The following SLC25A48 variants were observed in gnomAD, a reference collection of about 807,000 sequenced individuals.
SLC25A48 encodes CTC-321K16.1.
SLC25A48 carries 29 observed loss-of-function variants against 32.2 expected under a neutral mutation model. The observed-to-expected ratio is 0.90, with a 90% CI of 0.67 to 1.23. The LOEUF is 1.23. SLC25A48 is among the 50% of genes most tolerant of loss of function. SLC25A48 has a pLI of 0.00. For synonymous variants in SLC25A48, 164 were observed against 172.3 expected (o/e 0.95, Z 0.38); for missense variants, 399 against 422.7 (o/e 0.94, Z 0.49).
chr5:135,846,468 G>A (rs1478888236), intron 2 of SLC25A48, among the ~76,000 whole-genome samples: 1 of 152,150 alleles, frequency 6.6e-6, no homozygotes, highest in Non-Finnish European at 1.5e-5. Context: ...GGACAGCCAG[G>A]GCATGGCTTG....
At chr5:135,643,724 C>A (rs1011382626) in intron 3 of SLC25A48, among the ~76,000 whole-genome samples, 1 of 152,108 alleles carries the variant, frequency 6.6e-6, no homozygotes, top group Admixed American at 6.5e-5. Context: ...TGGGGAGCTC[C>A]CAGGTTAGTG....
intron 3 of SLC25A48, among the ~76,000 whole-genome samples, chr5:135,797,719 AC>A (rs369772375): frequency 2.5e-4 from 38 of 149,742 alleles, no homozygotes; most frequent in Admixed American, 7.4e-4. Flanking sequence ...GAAAGTGTAA[AC>A]CCCCCCCGTG....
chr5:135,797,461 G>A (rs1451998689), intron 3 of SLC25A48, among the ~76,000 whole-genome samples: 1 of 151,832 alleles, frequency 6.6e-6, no homozygotes, highest in African/African-American at 2.4e-5. Context: ...AAGGGCTAGA[G>A]GCTGATATTA....
At chr5:135,817,469 A>G (rs1757752358) in intron 4 of SLC25A48, among the ~76,000 whole-genome samples, 1 of 152,224 alleles carries the variant, frequency 6.6e-6, no homozygotes. Flanking sequence ...AGTGAGGCAC[A>G]ATAGCTATCC....
chr5:135,692,147 CT>C (rs1293106478), intron 3 of SLC25A48, among the ~76,000 whole-genome samples: 1 of 152,098 alleles, frequency 6.6e-6, no homozygotes, highest in Admixed American at 6.5e-5. Flanking sequence ...GAAACCCCAT[CT>C]CTACTAAAAA....
intron 3 of SLC25A48, among the ~76,000 whole-genome samples, chr5:135,736,943 C>T (rs756298139): frequency 1.3e-5 from 2 of 152,120 alleles, no homozygotes; most frequent in South Asian, 2.1e-4. Flanking sequence ...GCCGCTTACC[C>T]GATTTAAAAT....
chr5:135,645,323 C>T (rs1297497847), intron 3 of SLC25A48, among the ~76,000 whole-genome samples: 1 of 152,192 alleles, frequency 6.6e-6, no homozygotes, highest in Non-Finnish European at 1.5e-5. Flanking sequence ...TTGGCAACCA[C>T]TTTGTGTTAT....
Position 135,876,804 on chromosome 5 carries a change from A to G in SLC25A48, c.813+2650A>G, listed in dbSNP as rs1198854320. On this transcript the variant is annotated intron_variant, in intron 6 of 7. Transcript: ENST00000681962. ...CCATCTAAAACAATCAGGTTGTCTC[A>G]AAGGCAGTTTTCTGGCAGCCGCAGC... Among the ~76,000 whole-genome samples, 3 of 152,318 alleles carry G rather than the reference A, an allele frequency of 2.0e-5. No individual in the cohort carries two copies. The East Asian group carries it at 5.8e-4, about 29-fold the overall frequency.
At chr5:135,680,514 TA>T (rs1173875243) in intron 3 of SLC25A48, among the ~76,000 whole-genome samples, 1 of 152,238 alleles carries the variant, frequency 6.6e-6, no homozygotes, top group Admixed American at 6.5e-5. Flanking sequence ...CTGGGTAATT[TA>T]TAAAGAAAAA....
chr5:135,633,394 G>A (rs972348763), intron 2 of SLC25A48, among the ~76,000 whole-genome samples: 16 of 152,034 alleles, frequency 1.1e-4, no homozygotes, highest in Middle Eastern at 3.4e-3. Flanking sequence ...GAGGTCATAA[G>A]GGTGGGGTCC....
chr5:135,630,392 A>G (rs1413162360), intron 2 of SLC25A48, among the ~76,000 whole-genome samples: 2 of 152,136 alleles, frequency 1.3e-5, no homozygotes, highest in African/African-American at 2.4e-5. Flanking sequence ...TGCCATAGCT[A>G]AGCTCATTCT....
Position 135,599,836 on chromosome 5 carries a change from C to T in SLC25A48, c.-849+20239C>T, listed in dbSNP as rs116162231. Among the ~76,000 whole-genome samples, 1,453 of 152,282 alleles carry T rather than the reference C, an allele frequency of 9.5e-3. 28 individuals are homozygous for T. The highest frequency in any genetic ancestry group is 0.033 in the African/African-American group (1,372 of 41,564). On this transcript the variant is annotated intron_variant, in intron 1 of 10. Coordinates refer to the SLC25A48 transcript ENST00000646290. ...GAGGAGCAGCCTCAGTTCTGGCCTT[C>T]GCACTCCCAGGCTTGCCCAGGATGG...
intron 3 of SLC25A48, among the ~76,000 whole-genome samples, chr5:135,699,935 G>A (rs1326115920): frequency 1.3e-5 from 2 of 152,158 alleles, no homozygotes; most frequent in Non-Finnish European, 2.9e-5. Context: ...AGGAGATGGA[G>A]TCTCTGAGGG....
rs1290759048 is a variant in SLC25A48 at position 135,705,348 on chromosome 5, GC to G, written c.-521+70393del. Among the ~76,000 whole-genome samples, 3 of 152,358 alleles carry G rather than the reference GC, an allele frequency of 2.0e-5. No individual in the cohort carries two copies. The East Asian group carries it at 5.8e-4, about 29-fold the overall frequency. On this transcript the variant is annotated intron_variant, in intron 3 of 10. Coordinates refer to the SLC25A48 transcript ENST00000646290. ...TGGCTCTGCCACCTCGTCATGTGAGGCTTTGGGCATGTTCTGGAGCTTATCA... is the reference window on the plus strand; with the variant it reads ...TGGCTCTGCCACCTCGTCATGTGAGGTTTGGGCATGTTCTGGAGCTTATCA...
At chr5:135,669,078 GCA>G (rs1003611908) in intron 3 of SLC25A48, among the ~76,000 whole-genome samples, 21 of 152,094 alleles carry the variant, frequency 1.4e-4, no homozygotes, top group African/African-American at 5.1e-4. Context: ...TTTCTATCAT[GCA>G]CACACACACC....
chr5:135,879,862 G>A lies in SLC25A48; in HGVS notation c.814-106G>A, dbSNP rs1762333115. ...ACAGGTCCTTTGGGCTCTGGTGGGG[G>A]ACCGGGCCTGGGTAGGCAGCACCAC... On this transcript the variant is annotated intron_variant, in intron 6 of 7. Coordinates refer to ENST00000681962, the MANE Select transcript of SLC25A48 (RefSeq NM_001349336.2). 3.2e-5 allele frequency: 47 copies of A among 1,447,132 alleles called. No homozygotes were observed. In the South Asian group the frequency reaches 6.4e-4, roughly 20 times the overall value. 89.6% of individuals were successfully genotyped at this position (1,447,132 alleles called of 1,614,324 possible). A position where few individuals can be genotyped will look rare whatever the true frequency, so the allele number is the denominator to read the frequency against.
rs114302280 is a variant in SLC25A48, at chr5:135,882,478, G to A, written c.*7+2381G>A. 6.0e-3 allele frequency among the ~76,000 whole-genome samples: 906 copies of A among 152,268 alleles called. 12 individuals carry two copies. Among genetic ancestry groups the A allele is most frequent in the African/African-American group, 0.02 (851 of 41,542 alleles). On this transcript the variant is annotated intron_variant, in intron 7 of 7. Transcript: ENST00000681962. ...CCAAGCTGTCCCTAAGAAGTGGCGGGATGGGGACCATCTCGAGAGTTCCTG... is the reference window on the plus strand; with the variant it reads ...CCAAGCTGTCCCTAAGAAGTGGCGGAATGGGGACCATCTCGAGAGTTCCTG...
Position 135,696,446 on chromosome 5 carries a change from A to G in SLC25A48, c.-521+61490A>G, listed in dbSNP as rs150289278. Among the ~76,000 whole-genome samples the G allele has an allele frequency of 2.2e-3, 340 of 152,346 alleles. 2 individuals are homozygous for G. The highest frequency in any genetic ancestry group is 7.9e-3 in the African/African-American group (327 of 41,582). ...AGTAGGTGTGAAGGAAGAGAGAGAC[A>G]GTCCTGGCAGTGAATTCCAGAAGGG... On this transcript the variant is annotated intron_variant, in intron 3 of 10. Transcript: ENST00000646290.
At chr5:135,672,746 A>G (rs893801930) in intron 3 of SLC25A48, among the ~76,000 whole-genome samples, 1 of 152,228 alleles carries the variant, frequency 6.6e-6, no homozygotes, top group Non-Finnish European at 1.5e-5. Flanking sequence ...GAAGTTGTAC[A>G]TATTTAAAGT....
Sources: allele counts gnomAD v4.1 joint callset (sites outside exome capture counted in the v4.1 genomes callset), GRCh38; gene constraint gnomAD v4.1.1; transcripts MANE v1.5; gene names NCBI Gene and HGNC (gene_info 2026-07-23, HGNC 2026-07-21).